The following CSMD1 variants were observed in gnomAD, a reference collection of about 807,000 sequenced individuals.
The protein encoded by CSMD1 is CUB and Sushi multiple domains 1.
A neutral mutation model predicts 417.5 loss-of-function variants in CSMD1; 213 were observed. The ratio of observed to expected loss-of-function variants is 0.51; its 90% CI spans 0.46 to 0.57. The LOEUF (loss-of-function observed/expected upper bound fraction) is 0.57, where lower values mean the gene tolerates loss of function less well. Ranked by LOEUF, CSMD1 falls within the 20% of genes least tolerant of loss-of-function variation. The pLI, the probability that CSMD1 is intolerant of heterozygous loss-of-function variation, is 0.00. For missense variants in CSMD1, 6,923 were observed against 4,529.7 expected, an observed-to-expected ratio of 1.53 and a Z score of -15.17; for synonymous variants, 2,862 against 1,736.8, an observed-to-expected ratio of 1.65 and a Z score of -16.11.
intron 5 of CSMD1, among the ~76,000 whole-genome samples, chr8:3,926,343 T>C (rs571559878): frequency 6.6e-6 from 1 of 151,864 alleles, no homozygotes; most frequent in South Asian, 2.1e-4. Context: ...ATTTATTTTA[T>C]CTTATCTTAT....
chr8:3,263,063 T>G (rs974506756), intron 26 of CSMD1, among the ~76,000 whole-genome samples: 1 of 152,176 alleles, frequency 6.6e-6, no homozygotes, highest in African/African-American at 2.4e-5. Flanking sequence ...TCACCTACTT[T>G]GTGTAATAAT....
intron 54 of CSMD1, among the ~76,000 whole-genome samples, chr8:2,995,340 A>G (rs1806789861): frequency 6.6e-6 from 1 of 152,198 alleles, no homozygotes; most frequent in African/African-American, 2.4e-5. Context: ...AACACCACAG[A>G]AAGCTATCAC....
At chr8:4,312,552 C>T (rs1256491653) in intron 3 of CSMD1, among the ~76,000 whole-genome samples, 3 of 151,102 alleles carry the variant, frequency 2.0e-5, no homozygotes, top group Non-Finnish European at 2.9e-5. Flanking sequence ...TGAAAGGGCT[C>T]ACAGTCGTTC....
chr8:3,103,749 T>TAAA (rs71199536), intron 46 of CSMD1, among the ~76,000 whole-genome samples: 8,152 of 150,550 alleles, frequency 0.054, 568 homozygotes, highest in African/African-American at 0.16. Context: ...CTTTTTTTTT[T>TAAA]AAAAAAAAAA....
intron 3 of CSMD1, among the ~76,000 whole-genome samples, chr8:4,205,387 G>C (rs1306265064): frequency 2.6e-5 from 4 of 152,158 alleles, no homozygotes; most frequent in Admixed American, 6.5e-5. Context: ...CAATTTTTTA[G>C]CCTTGGCATG....
intron 1 of CSMD1, among the ~76,000 whole-genome samples, chr8:4,946,177 G>A (rs543987682): frequency 6.6e-6 from 1 of 152,106 alleles, no homozygotes; most frequent in South Asian, 2.1e-4. Context: ...TTGATACTCC[G>A]TGTTGTTTTG....
intron 23 of CSMD1, among the ~76,000 whole-genome samples, chr8:3,323,011 C>A (rs1806255180): frequency 6.6e-6 from 1 of 152,176 alleles, no homozygotes; most frequent in African/African-American, 2.4e-5. Flanking sequence ...ACCTCACAGT[C>A]ATGGTTTATT....
chr8:3,727,695 A>G (rs1208918020), intron 6 of CSMD1, among the ~76,000 whole-genome samples: 5 of 152,222 alleles, frequency 3.3e-5, no homozygotes, highest in Admixed American at 3.3e-4. Context: ...ATTTACAATA[A>G]CCAAGGAGGG....
intron 1 of CSMD1, among the ~76,000 whole-genome samples, chr8:4,851,200 G>A (rs1355147347): frequency 6.8e-6 from 1 of 147,490 alleles, no homozygotes; most frequent in Non-Finnish European, 1.5e-5. Flanking sequence ...TGCAGTGTTT[G>A]GATTTTTGTC....
intron 3 of CSMD1, among the ~76,000 whole-genome samples, chr8:4,347,769 G>C (rs1461341704): frequency 6.6e-6 from 1 of 151,928 alleles, no homozygotes; most frequent in African/African-American, 2.4e-5. Context: ...AGTTGTATTG[G>C]ATAAAGTTTT....
intron 5 of CSMD1, among the ~76,000 whole-genome samples, chr8:3,893,528 T>G (rs1325487965): frequency 6.6e-6 from 1 of 151,644 alleles, no homozygotes; most frequent in South Asian, 2.1e-4. Flanking sequence ...ATTAAATTTA[T>G]AAATATTATG....
At chr8:4,033,130 GAAAAAA>G (rs58668077) in intron 3 of CSMD1, among the ~76,000 whole-genome samples, 5 of 80,650 alleles carry the variant, frequency 6.2e-5, no homozygotes, top group African/African-American at 2.1e-4. Context: ...TTTCCAATAT[GAAAAAA>G]AAAAAAAAAA....
At chr8:3,444,871 C>G (rs561765779) in intron 12 of CSMD1, among the ~76,000 whole-genome samples, 2 of 152,104 alleles carry the variant, frequency 1.3e-5, no homozygotes, top group Non-Finnish European at 2.9e-5. Flanking sequence ...AGAATACTAT[C>G]GATTTGTGGC....
intron 9 of CSMD1, among the ~76,000 whole-genome samples, chr8:3,577,684 C>T (rs1156957038): frequency 6.6e-6 from 1 of 152,198 alleles, no homozygotes; most frequent in Non-Finnish European, 1.5e-5. Flanking sequence ...TTATGTAATT[C>T]TAACCCTCCT....
At chr8:4,709,266 A>C (rs1300031473) in intron 1 of CSMD1, among the ~76,000 whole-genome samples, 1 of 152,212 alleles carries the variant, frequency 6.6e-6, no homozygotes, top group African/African-American at 2.4e-5. Context: ...AGAGTTAAAA[A>C]TGACTCCTTG....
intron 20 of CSMD1, among the ~76,000 whole-genome samples, chr8:3,365,361 A>G (rs1395693991): frequency 6.6e-6 from 1 of 152,222 alleles, no homozygotes; most frequent in Non-Finnish European, 1.5e-5. Flanking sequence ...AGTTCAGAGC[A>G]TCTTAAAATC....
At chr8:3,432,608 C>G (rs550801738) in intron 12 of CSMD1, among the ~76,000 whole-genome samples, 1 of 151,206 alleles carries the variant, frequency 6.6e-6, no homozygotes, top group Admixed American at 6.6e-5. Context: ...TTCTGCCTCC[C>G]GGGATCAAGA....
At chr8:4,734,710 T>C (rs1366452777) in intron 1 of CSMD1, among the ~76,000 whole-genome samples, 1 of 152,226 alleles carries the variant, frequency 6.6e-6, no homozygotes, top group Non-Finnish European at 1.5e-5. Flanking sequence ...AAGCAAAAGA[T>C]ACATCTATTG....
rs551385382 is a variant in CSMD1 at position 4,682,067 on chromosome 8, G to T, written c.86-44509C>A. 1.1e-4 allele frequency among the ~76,000 whole-genome samples: 17 copies of T among 152,312 alleles called. No homozygotes were observed. The East Asian group carries it at 2.7e-3, about 24-fold the overall frequency. ...AGGGTCTCACTCTGTCACCCAGGCT[G>T]AAGTGCTGTGGGGTGATCTCAGCTC... is the stretch of plus-strand genomic sequence containing the variant. On this transcript the variant is annotated intron_variant, in intron 1 of 69. Transcript: ENST00000635120.
Sources: gnomAD v4.1 joint callset for allele counts (sites outside exome capture counted in the v4.1 genomes callset) on GRCh38, gnomAD v4.1.1 for gene constraint, MANE v1.5 for transcripts, NCBI Gene and HGNC (gene_info 2026-07-23, HGNC 2026-07-21) for gene names.